Variants in GLIS3 observed in about 807,000 individuals in gnomAD.
GLIS3 encodes GLIS family zinc finger 3, also known as zinc finger protein GLIS3.
A neutral mutation model predicts 78.6 loss-of-function variants in GLIS3; 53 were observed. The ratio of observed to expected loss-of-function variants is 0.67; its 90% CI spans 0.54 to 0.85. GLIS3 has a LOEUF of 0.85. GLIS3 is among the 40% of genes least tolerant of loss of function. GLIS3 has a pLI of 0.00. For missense variants in GLIS3, 1,703 were observed against 1,231.1 expected (o/e 1.38, Z -5.74); for synonymous variants, 684 against 509.9 (o/e 1.34, Z -4.60).
At chr9:4,237,191 T>G (rs1405305220) in intron 2 of GLIS3, among the ~76,000 whole-genome samples, 1 of 132,834 alleles carries the variant, frequency 7.5e-6, no homozygotes, top group Non-Finnish European at 1.8e-5. Context: ...TTATAGCAGG[T>G]TATTTAGAAT....
intron 6 of GLIS3, among the ~76,000 whole-genome samples, chr9:3,915,259 C>G (rs916862113): frequency 2.0e-5 from 3 of 152,142 alleles, no homozygotes; most frequent in African/African-American, 7.2e-5. Flanking sequence ...TCATCCACCC[C>G]CTCCAATTAT....
intron 7 of GLIS3, among the ~76,000 whole-genome samples, chr9:3,883,273 G>C (rs746778481): frequency 2.6e-5 from 4 of 152,138 alleles, no homozygotes; most frequent in Admixed American, 6.5e-5. Context: ...CTACAGTCTA[G>C]GAATATTCTT....
At chr9:4,482,958 GA>G in the GLIS3 span, among the ~76,000 whole-genome samples, 1 of 152,058 alleles carries the variant, frequency 6.6e-6, no homozygotes, top group African/African-American at 2.4e-5. Flanking sequence ...TTATTGGAAG[GA>G]AAAAAACATT....
rs540528472 is a variant in GLIS3 at position 4,126,131 on chromosome 9, C to A, written c.389-190G>T. On this transcript the variant is annotated intron_variant, in intron 2 of 10. Transcript: ENST00000381971. Reference sequence around the variant, plus strand: ...AAAGCCATAACGCTATAATAGAAACCTTTCCATAATCAGCACTCATACAAA... The same window carrying A: ...AAAGCCATAACGCTATAATAGAAACATTTCCATAATCAGCACTCATACAAA... Among the ~76,000 whole-genome samples the A allele has an allele frequency of 6.6e-6, 1 of 152,030 alleles. No homozygotes were observed. The highest frequency in any genetic ancestry group is 1.5e-5 in the Non-Finnish European group (1 of 68,004).
At chr9:4,486,104 A>T in the GLIS3 span, among the ~76,000 whole-genome samples, 3 of 152,174 alleles carry the variant, frequency 2.0e-5, no homozygotes, top group Non-Finnish European at 2.9e-5. Context: ...TTTATATTGT[A>T]CTATTTTCAA....
At chr9:4,371,921 C>T in the GLIS3 span, among the ~76,000 whole-genome samples, 254 of 152,306 alleles carry the variant, frequency 1.7e-3, 1 homozygote, top group African/African-American at 5.8e-3. Context: ...CCACCTACTT[C>T]GATGCTCAGC....
At chr9:4,252,966 C>A (rs1824538755) in intron 2 of GLIS3, among the ~76,000 whole-genome samples, 1 of 152,198 alleles carries the variant, frequency 6.6e-6, no homozygotes, top group Non-Finnish European at 1.5e-5. Context: ...AAAATTGCTG[C>A]CTGATCCTTC....
intron 2 of GLIS3, among the ~76,000 whole-genome samples, chr9:4,334,412 C>G (rs1817724753): frequency 6.6e-6 from 1 of 152,156 alleles, no homozygotes; most frequent in Non-Finnish European, 1.5e-5. Context: ...GCTGGAGAGG[C>G]AAGGAAGCTG....
intron 8 of GLIS3, among the ~76,000 whole-genome samples, chr9:3,872,582 A>C (rs1423555700): frequency 6.6e-6 from 1 of 152,180 alleles, no homozygotes; most frequent in Non-Finnish European, 1.5e-5. Context: ...CCCTGATAAA[A>C]ACCCTCAGAT....
Position 4,321,285 on chromosome 9 carries a change from G to A in GLIS3, n.265-10757C>T, listed in dbSNP as rs1297932183. Among the ~76,000 whole-genome samples the A allele has an allele frequency of 1.6e-4, 21 of 131,428 alleles. 1 individual carries two copies. The highest frequency in any genetic ancestry group is 8.0e-4 in the Admixed American group (11 of 13,768). 86.2% of individuals were successfully genotyped at this position (131,428 alleles called of 152,430 possible). On this transcript the variant is annotated intron_variant and non_coding_transcript_variant, in intron 2 of 4. Coordinates refer to the GLIS3 transcript ENST00000471664. ...AATACAAAAAAAATTAGCCGGGAGT[G>A]GTGGCGGGCGCCTGTAGTCCCAGCT...
rs1388355858 is a variant in GLIS3, at chr9:3,897,500, T to G, written c.2128+1191A>C. Among the ~76,000 whole-genome samples, 3 of 152,210 alleles carry G rather than the reference T, an allele frequency of 2.0e-5. No individual in the cohort carries two copies. In the East Asian group the frequency reaches 5.8e-4, roughly 29 times the overall value. On this transcript the variant is annotated intron_variant, in intron 7 of 10. Coordinates refer to ENST00000381971, the MANE Select transcript of GLIS3 (RefSeq NM_001042413.2). ...GTTGGTAACACTGCACATTGATATA[T>G]TTGATGTCTGTATATGAACCTGTAC...
chr9:4,221,308 C>G (rs977978079), intron 2 of GLIS3, among the ~76,000 whole-genome samples: 5 of 152,090 alleles, frequency 3.3e-5, no homozygotes, highest in Admixed American at 2.0e-4. Flanking sequence ...ATTCTTAAAC[C>G]TTTTCTGTAG....
chr9:4,358,209 T>C, the GLIS3 span, among the ~76,000 whole-genome samples: 2 of 152,200 alleles, frequency 1.3e-5, no homozygotes, highest in Admixed American at 6.5e-5. Context: ...TAAATACTAG[T>C]TGCTGCTAGA....
chr9:4,463,631 A>G, the GLIS3 span, among the ~76,000 whole-genome samples: 2 of 152,218 alleles, frequency 1.3e-5, no homozygotes, highest in Non-Finnish European at 2.9e-5. Context: ...ACTTATTTTA[A>G]CCCGAATAAA....
At chr9:4,102,256 A>G (rs181128226) in intron 4 of GLIS3, among the ~76,000 whole-genome samples, 2 of 152,314 alleles carry the variant, frequency 1.3e-5, no homozygotes, top group African/African-American at 4.8e-5. Flanking sequence ...ATGAAGCATT[A>G]CTTCCCCCAT....
chr9:3,976,219 T>A (rs1818774167), intron 4 of GLIS3, among the ~76,000 whole-genome samples: 1 of 147,828 alleles, frequency 6.8e-6, no homozygotes, highest in South Asian at 2.1e-4. Flanking sequence ...ACATGTGAAT[T>A]TTTTTTTTCT....
intron 2 of GLIS3, among the ~76,000 whole-genome samples, chr9:4,316,195 G>A (rs1014063014): frequency 3.9e-5 from 6 of 152,146 alleles, no homozygotes; most frequent in East Asian, 1.9e-4. Flanking sequence ...TGGAAGAGAG[G>A]TTAGGATTCC....
chr9:4,382,791 A>T, the GLIS3 span, among the ~76,000 whole-genome samples: 1 of 152,206 alleles, frequency 6.6e-6, no homozygotes, highest in Non-Finnish European at 1.5e-5. Flanking sequence ...TTTCTCATGT[A>T]GCTTTTACTG....
At position 4,191,815 on chromosome 9, in the gene GLIS3, G is replaced by T. The variant is rs1818358596; in HGVS notation, c.389-65874C>A. Among the ~76,000 whole-genome samples, 3 of 152,078 alleles carry T rather than the reference G, an allele frequency of 2.0e-5. No individual in the cohort carries two copies. In the South Asian group the frequency reaches 6.2e-4, roughly 31 times the overall value. ...TCCTGTACCAAGGTCCAAGGAAATT[G>T]AAGACCATATGAAAAATACTGATGA... is the stretch of plus-strand genomic sequence containing the variant. On this transcript the variant is annotated intron_variant, in intron 2 of 10. Coordinates refer to ENST00000381971, the MANE Select transcript of GLIS3 (RefSeq NM_001042413.2).
Sources: gnomAD v4.1 joint callset for allele counts (sites outside exome capture counted in the v4.1 genomes callset) on GRCh38, gnomAD v4.1.1 for gene constraint, MANE v1.5 for transcripts, NCBI Gene and HGNC (gene_info 2026-07-23, HGNC 2026-07-21) for gene names.